Variants in NDST3 observed in about 807,000 individuals in gnomAD.
NDST3 encodes bifunctional heparan sulfate N-deacetylase/N-sulfotransferase 3.
Under a neutral mutation model 96.1 loss-of-function variants are expected in NDST3, and 58 were observed. The observed-to-expected ratio is 0.60, with a 90% confidence interval of 0.49 to 0.75. The LOEUF (loss-of-function observed/expected upper bound fraction) is 0.75. Ranked by LOEUF, NDST3 falls within the 30% of genes least tolerant of loss-of-function variation. NDST3 has a pLI of 0.00. For missense variants in NDST3, 788 were observed against 1,034.2 expected (o/e 0.76, Z 3.27); for synonymous variants, 333 against 359.7 (o/e 0.93, Z 0.84).
At position 118,165,860 on chromosome 4, in the gene NDST3, G is replaced by C. The variant is rs559505261; in HGVS notation, c.1539+22176G>C. On this transcript the variant is annotated intron_variant, in intron 6 of 13. Transcript: ENST00000296499. ...CAAAAGAGAAATTTAAAAATACCTT[G>C]ATATAAGTAAAAACAAAACACCTAC... 8.6e-5 allele frequency among the ~76,000 whole-genome samples: 13 copies of C among 151,944 alleles called. No individual in the cohort carries two copies. In the East Asian group the frequency reaches 2.5e-3, roughly 29 times the overall value.
chr4:118,210,689 T>C (rs1327867141), intron 6 of NDST3, among the ~76,000 whole-genome samples: 1 of 146,984 alleles, frequency 6.8e-6, no homozygotes, highest in Non-Finnish European at 1.5e-5. Context: ...GGTAGGAGAA[T>C]CACTTGAACC....
At chr4:118,162,092 AATAAAAGAGG>A (rs1001108166) in intron 6 of NDST3, among the ~76,000 whole-genome samples, 1 of 152,200 alleles carries the variant, frequency 6.6e-6, no homozygotes, top group African/African-American at 2.4e-5. Flanking sequence ...TGCTCAGTGA[AATAAAAGAGG>A]ATACAAAGAA....
chr4:118,065,823 T>G (rs2110477239), intron 2 of NDST3, among the ~76,000 whole-genome samples: 1 of 151,492 alleles, frequency 6.6e-6, no homozygotes, highest in African/African-American at 2.4e-5. Flanking sequence ...TCCCCTGCTT[T>G]GATATCCTGG....
At position 118,075,531 on chromosome 4, in the gene NDST3, T is replaced by C. The variant is rs1172639609; in HGVS notation, c.981+20640T>C. Among the ~76,000 whole-genome samples, 10 of 136,410 alleles carry C rather than the reference T, an allele frequency of 7.3e-5. No individual in the cohort carries two copies. In the East Asian group the frequency reaches 1.9e-3, roughly 26 times the overall value. The allele number at this position is 136,410 out of a possible 152,430, so 89.5% of individuals were successfully genotyped here. A position where few individuals can be genotyped will look rare whatever the true frequency, so the allele number is the denominator to read the frequency against. Reference sequence around the variant, plus strand: ...TCCCACCAACAGTGTAAAAGTGTTCTTATTTCTCCACATCCTCTCCAGCAC... The same window carrying C: ...TCCCACCAACAGTGTAAAAGTGTTCCTATTTCTCCACATCCTCTCCAGCAC... On this transcript the variant is annotated intron_variant, in intron 2 of 13. Transcript: ENST00000296499.
At chr4:118,074,240 C>T (rs10020473) in intron 2 of NDST3, among the ~76,000 whole-genome samples, 114,459 of 152,010 alleles carry the variant, frequency 0.75, 45,741 homozygotes, top group South Asian at 0.92. Flanking sequence ...ATGTGAAACA[C>T]GATGTTCTGT....
intron 6 of NDST3, among the ~76,000 whole-genome samples, chr4:118,162,472 A>C (rs539796218): frequency 0.023 from 3,484 of 150,920 alleles, 137 homozygotes; most frequent in African/African-American, 0.081. Context: ...TGATCTTTGA[A>C]AAACCTGAGA....
intron 6 of NDST3, among the ~76,000 whole-genome samples, chr4:118,184,316 C>T (rs2125955467): frequency 6.6e-6 from 1 of 152,172 alleles, no homozygotes; most frequent in African/African-American, 2.4e-5. Flanking sequence ...GATGAGATAA[C>T]ATTTAAATCA....
intron 6 of NDST3, among the ~76,000 whole-genome samples, chr4:118,161,135 C>T (rs1261143374): frequency 1.3e-5 from 2 of 152,252 alleles, no homozygotes; most frequent in East Asian, 3.8e-4. Context: ...TAGAGGTCCA[C>T]TCCAGACCCT....
chr4:118,057,497 AAT>A (rs986519302), intron 2 of NDST3, among the ~76,000 whole-genome samples: 2 of 152,048 alleles, frequency 1.3e-5, no homozygotes, highest in African/African-American at 4.8e-5. Context: ...TCAAATGTAG[AAT>A]ATTGAGGAAA....
chr4:118,193,531 C>G (rs1737453114), intron 6 of NDST3: 8 of 980,450 alleles, frequency 8.2e-6, no homozygotes, highest in Non-Finnish European at 1.3e-5. Flanking sequence ...CCTCAGCCAG[C>G]CTCTCAAACG....
intron 6 of NDST3, among the ~76,000 whole-genome samples, chr4:118,223,972 C>A (rs1353344988): frequency 6.6e-6 from 1 of 152,112 alleles, no homozygotes. Context: ...TGCAGTCTAA[C>A]CTGCAGAGTT....
At chr4:118,142,971 T>C (rs1450945429) in intron 5 of NDST3, among the ~76,000 whole-genome samples, 1 of 152,198 alleles carries the variant, frequency 6.6e-6, no homozygotes, top group Non-Finnish European at 1.5e-5. Flanking sequence ...CAGTAGGAAC[T>C]GGCAGGCTTC....
At chr4:118,068,114 T>G (rs980115148) in intron 2 of NDST3, among the ~76,000 whole-genome samples, 2 of 149,760 alleles carry the variant, frequency 1.3e-5, no homozygotes, top group African/African-American at 2.4e-5. Flanking sequence ...TAATTAAAAC[T>G]AATCCTTCTG....
intron 8 of NDST3, among the ~76,000 whole-genome samples, chr4:118,230,488 T>A (rs1326758771): frequency 6.6e-6 from 1 of 151,168 alleles, no homozygotes; most frequent in Non-Finnish European, 1.5e-5. Context: ...GGAAGGAGAA[T>A]GGCGTGAACC....
intron 1 of NDST3, among the ~76,000 whole-genome samples, chr4:118,038,205 A>G (rs1011618762): frequency 2.6e-5 from 4 of 152,130 alleles, no homozygotes; most frequent in African/African-American, 9.7e-5. Context: ...GCGTATTTTG[A>G]TGCATGCATT....
intron 10 of NDST3, 53 bp downstream of exon 10, chr4:118,237,273 G>A: frequency 1.4e-6 from 2 of 1,425,912 alleles, no homozygotes; most frequent in South Asian, 3.1e-5. Context: ...ATGGACAATG[G>A]AGCATTGTTT....
At chr4:118,255,048 A>G (rs1366071121) in intron 13 of NDST3, among the ~76,000 whole-genome samples, 1 of 152,220 alleles carries the variant, frequency 6.6e-6, no homozygotes, top group Admixed American at 6.5e-5. Flanking sequence ...TATAAAATAT[A>G]TCATATGCAT....
intron 4 of NDST3, among the ~76,000 whole-genome samples, chr4:118,132,753 G>A (rs1021066931): frequency 3.3e-5 from 5 of 152,194 alleles, no homozygotes; most frequent in South Asian, 2.1e-4. Flanking sequence ...TTCAGGGTCC[G>A]AGGGCTCTTT....
At chr4:118,037,511 C>CAATGT (rs1315072481) in intron 1 of NDST3, among the ~76,000 whole-genome samples, 1 of 152,184 alleles carries the variant, frequency 6.6e-6, no homozygotes, top group Non-Finnish European at 1.5e-5. Flanking sequence ...ATTCCTTTAA[C>CAATGT]CGTTATACTA....
Sources: allele counts gnomAD v4.1 joint callset (sites outside exome capture counted in the v4.1 genomes callset), GRCh38; gene constraint gnomAD v4.1.1; transcripts MANE v1.5; gene names NCBI Gene and HGNC (gene_info 2026-07-23, HGNC 2026-07-21).